The following UNC80 variants were observed in gnomAD, a reference collection of about 807,000 sequenced individuals.
UNC80 encodes protein unc-80 homolog.
UNC80 carries 164 observed loss-of-function variants against 384.6 expected under a neutral mutation model. The observed-to-expected ratio is 0.43, with a 90% CI of 0.38 to 0.49. The LOEUF is 0.49. Among genes scored for constraint, UNC80 ranks in the 20% least tolerant of loss-of-function variants. The pLI is 0.00. For missense variants in UNC80, 3,330 were observed against 4,143.0 expected (o/e 0.80, Z 5.39); for synonymous variants, 1,486 against 1,527.8 (o/e 0.97, Z 0.64).
chr2:209,943,429 T>A lies in UNC80; in HGVS notation c.6965T>A (p.Phe2322Tyr). 1 of 1,552,210 alleles carries A rather than the reference T, an allele frequency of 6.4e-7. No individual in the cohort carries two copies. The highest frequency in any genetic ancestry group is 8.7e-7 in the Non-Finnish European group (1 of 1,147,070). ...SNPQLRQAIE[F>Y]ACHQFYILHR... Reference sequence around the variant, plus strand: ...CCCCAGCTGCGTCAAGCCATCGAATTTGCCTGTCACCAGTTCTATATTCTA... The same window carrying A: ...CCCCAGCTGCGTCAAGCCATCGAATATGCCTGTCACCAGTTCTATATTCTA... The change falls in exon 45 of 65, where the codon TTT becomes TAT. Residue 2322 changes from phenylalanine to tyrosine, a missense_variant. By Grantham distance (22) the Phe-to-Tyr change is conservative (BLOSUM62 3). This residue lies in a region of UNC80 where 1,049 missense variants were observed against 1,488.6 expected (regional missense o/e 0.70). Transcript: ENST00000673920.
chr2:209,892,095 T>C (rs2086393046), intron 26 of UNC80, among the ~76,000 whole-genome samples: 2 of 152,208 alleles, frequency 1.3e-5, no homozygotes, highest in Admixed American at 1.3e-4. Context: ...TGGTAGGTTT[T>C]ACCAGAAATG....
intron 40 of UNC80, 50 bp downstream of exon 40, chr2:209,935,858 A>C: frequency 1.8e-6 from 2 of 1,095,726 alleles, no homozygotes; most frequent in Non-Finnish European, 1.3e-6. Context: ...TGCTATGGCC[A>C]CCTCACTGAA....
intron 41 of UNC80, among the ~76,000 whole-genome samples, 179 bp downstream of exon 41, chr2:209,937,112 G>C (rs113448862): frequency 1.6e-3 from 237 of 152,152 alleles, no homozygotes; most frequent in African/African-American, 5.5e-3. Context: ...TCTACCCTTT[G>C]GTTTTCTTGT....
Position 209,996,618 on chromosome 2 carries a change from T to C in UNC80, c.*1023T>C, listed in dbSNP as rs1285022203. 6.6e-6 allele frequency: 1 copy of C among 152,216 alleles called. No homozygotes were observed. The highest frequency in any genetic ancestry group is 1.5e-5 in the Non-Finnish European group (1 of 68,032). 9.4% of individuals were successfully genotyped at this position (152,216 alleles called of 1,614,324 possible). ...ATCTAAGTTTATAAGGAAAAATGTATAAAGTAAGCAATTTCTTCATAGACA... is the reference window on the plus strand; with the variant it reads ...ATCTAAGTTTATAAGGAAAAATGTACAAAGTAAGCAATTTCTTCATAGACA... On this transcript the variant is annotated 3_prime_UTR_variant, in exon 65 of 65. Coordinates refer to ENST00000673920, the MANE Select transcript of UNC80 (RefSeq NM_001371986.1).
chr2:209,829,487 C>T (rs1352325451), intron 15 of UNC80, 108 bp downstream of exon 15: 28 of 1,180,682 alleles, frequency 2.4e-5, no homozygotes, highest in African/African-American at 1.8e-4. Context: ...GGAAAAGATA[C>T]GTATGTGTCC....
At chr2:209,887,162 G>A (rs1340387887) in intron 25 of UNC80, among the ~76,000 whole-genome samples, 1 of 152,008 alleles carries the variant, frequency 6.6e-6, no homozygotes, top group African/African-American at 2.4e-5. Flanking sequence ...TCAGCCTCCT[G>A]AGTAGCTAGG....
intron 25 of UNC80, among the ~76,000 whole-genome samples, chr2:209,882,188 G>T (rs1489083309): frequency 1.3e-5 from 2 of 151,868 alleles, no homozygotes; most frequent in Non-Finnish European, 2.9e-5. Context: ...GGATGGTCTC[G>T]ATCTCCTGAC....
At chr2:209,852,796 T>C (rs2082624664) in intron 22 of UNC80, among the ~76,000 whole-genome samples, 1 of 152,176 alleles carries the variant, frequency 6.6e-6, no homozygotes, top group African/African-American at 2.4e-5. Context: ...TTAGCTTTTG[T>C]TTCCTTTGTA....
chr2:209,807,421 G>C, intron 7 of UNC80, among the ~76,000 whole-genome samples: 1 of 142,524 alleles, frequency 7.0e-6, no homozygotes, highest in Non-Finnish European at 1.5e-5. Context: ...CTGGAGTGCA[G>C]TGGTGCTGTC....
At chr2:209,894,397 G>A (rs1472048135) in intron 27 of UNC80, 31 bp downstream of exon 27, 2 of 979,218 alleles carry the variant, frequency 2.0e-6, no homozygotes, top group Non-Finnish European at 2.4e-6. Context: ...GTGCAGGGAC[G>A]TGGGGGGTAG....
intron 29 of UNC80, among the ~76,000 whole-genome samples, chr2:209,905,487 T>C (rs2124931787): frequency 6.6e-6 from 1 of 152,290 alleles, no homozygotes; most frequent in Non-Finnish European, 1.5e-5. Flanking sequence ...CAAGGAATAC[T>C]GGCAGCCTCT....
At chr2:209,948,588 T>C (rs533613815) in intron 47 of UNC80, among the ~76,000 whole-genome samples, 1 of 152,310 alleles carries the variant, frequency 6.6e-6, no homozygotes, top group South Asian at 2.1e-4. Context: ...TTATGTCATC[T>C]GCAAATCATG....
chr2:209,775,241 T>C (rs1473929977), intron 2 of UNC80, among the ~76,000 whole-genome samples: 1 of 152,170 alleles, frequency 6.6e-6, no homozygotes, highest in Non-Finnish European at 1.5e-5. Flanking sequence ...GATAGAAAAT[T>C]TAATAACCAG....
intron 13 of UNC80, 75 bp downstream of exon 13, chr2:209,820,754 T>C: frequency 6.9e-7 from 1 of 1,449,470 alleles, no homozygotes; most frequent in Middle Eastern, 2.4e-4. Flanking sequence ...TTGCCAGCAG[T>C]TTATTGAATC....
At chr2:209,798,473 A>G (rs1342260726) in intron 7 of UNC80, among the ~76,000 whole-genome samples, 1 of 151,924 alleles carries the variant, frequency 6.6e-6, no homozygotes, top group Non-Finnish European at 1.5e-5. Flanking sequence ...ATGGTTGTAG[A>G]TGTGTGATGT....
chr2:209,790,945 C>T (rs1045127265), intron 6 of UNC80, among the ~76,000 whole-genome samples: 10 of 152,090 alleles, frequency 6.6e-5, no homozygotes, highest in Non-Finnish European at 1.2e-4. Flanking sequence ...CTTAATGTTA[C>T]GTAAAATAAT....
chr2:209,993,578 T>G (rs1182694060), intron 63 of UNC80, among the ~76,000 whole-genome samples, 152 bp downstream of exon 63: 26 of 152,150 alleles, frequency 1.7e-4, no homozygotes. Flanking sequence ...AACTGTAGTG[T>G]CTTTTTTTTC....
intron 22 of UNC80, among the ~76,000 whole-genome samples, chr2:209,859,222 C>T (rs929470568): frequency 3.3e-5 from 5 of 152,140 alleles, no homozygotes; most frequent in Non-Finnish European, 5.9e-5. Flanking sequence ...GTGTGTGCTG[C>T]TTACCTCTCT....
At position 209,977,039 on chromosome 2, in the gene UNC80, G is replaced by A; in HGVS notation, c.8899G>A (p.Glu2967Lys). 2.0e-6 allele frequency: 3 copies of A among 1,522,272 alleles called. No individual in the cohort carries two copies. The highest frequency in any genetic ancestry group is 2.7e-6 in the Non-Finnish European group (3 of 1,122,890). The allele number at this position is 1,522,272 out of a possible 1,614,324, so 94.3% of individuals were successfully genotyped here. ...KSSLIAEFNSELKILKEAVHS... is the reference protein window; with the variant it reads ...KSSLIAEFNSKLKILKEAVHS... ...CTCGCTCATTGCTGAGTTCAACAGTGAACTAAAAATTCTAAAAGAGGCAGT... is the reference window on the plus strand; with the variant it reads ...CTCGCTCATTGCTGAGTTCAACAGTAAACTAAAAATTCTAAAAGAGGCAGT... The change falls in exon 58 of 65, where the codon GAA becomes AAA. Residue 2967 changes from glutamate (E) to lysine (K), a missense_variant. Coordinates refer to ENST00000673920, the MANE Select transcript of UNC80 (RefSeq NM_001371986.1).
Sources: allele counts gnomAD v4.1 joint callset (sites outside exome capture counted in the v4.1 genomes callset), GRCh38; gene constraint gnomAD v4.1.1; regional missense constraint gnomAD v4.1.1; transcripts MANE v1.5; gene names NCBI Gene and HGNC (gene_info 2026-07-23, HGNC 2026-07-21).